The following VWA3B variants were observed in gnomAD, a reference collection of about 807,000 sequenced individuals.
VWA3B encodes the protein von Willebrand factor A domain containing 3B, also known as von Willebrand factor A domain-containing protein 3B.
VWA3B carries 138 observed loss-of-function variants against 158.3 expected under a neutral mutation model. The observed-to-expected ratio is 0.87, with a 90% CI of 0.76 to 1.00. The LOEUF is 1.00. VWA3B is among the 50% of genes least tolerant of loss of function. The pLI, the probability that VWA3B is intolerant of heterozygous loss-of-function variation, is 0.00. For synonymous variants in VWA3B, 596 were observed against 587.3 expected (o/e 1.01, Z -0.21); for missense variants, 1,555 against 1,565.1 (o/e 0.99, Z 0.11).
At chr2:98,233,352 C>T (rs1685462205) in intron 16 of VWA3B, among the ~76,000 whole-genome samples, 1 of 152,166 alleles carries the variant, frequency 6.6e-6, no homozygotes, top group African/African-American at 2.4e-5. Context: ...ATAAATGTTT[C>T]ATTCCGTATT....
chr2:98,267,755 G>A (rs572810421), intron 21 of VWA3B, among the ~76,000 whole-genome samples: 4 of 152,116 alleles, frequency 2.6e-5, no homozygotes, highest in African/African-American at 7.2e-5. Context: ...CCAGGAGCTG[G>A]TTTTTTGAAA....
chr2:98,285,111 C>G (rs1331182840), intron 22 of VWA3B, among the ~76,000 whole-genome samples: 1 of 152,110 alleles, frequency 6.6e-6, no homozygotes, highest in African/African-American at 2.4e-5. Context: ...ATAAAATTGA[C>G]AAGAGTTTTC....
intron 10 of VWA3B, among the ~76,000 whole-genome samples, chr2:98,190,871 T>A (rs1681516564): frequency 6.6e-6 from 1 of 152,110 alleles, no homozygotes. Flanking sequence ...GCTTCTTGGA[T>A]CTGTAGGTGC....
Position 98,228,336 on chromosome 2 carries a change from AG to A in VWA3B, c.2150+5del, listed in dbSNP as rs759013728. 3 of 1,610,352 alleles carry A rather than the reference AG, an allele frequency of 1.9e-6. No individual in the cohort carries two copies. Among genetic ancestry groups the A allele is most frequent in the Non-Finnish European group, 2.5e-6 (3 of 1,177,600 alleles). On this transcript the variant is annotated splice_donor_5th_base_variant and intron_variant, in intron 15 of 27. Coordinates refer to ENST00000477737, the MANE Select transcript of VWA3B (RefSeq NM_144992.5). ...CAGAAAAGGATGGAGACAGCAAGTG[AG>A]CACCTCTGCCCGCCTGTCTCCCTGC...
intron 9 of VWA3B, among the ~76,000 whole-genome samples, chr2:98,185,433 T>C (rs973920834): frequency 1.3e-5 from 2 of 152,258 alleles, no homozygotes; most frequent in Non-Finnish European, 2.9e-5. Flanking sequence ...TGGCAGAAAC[T>C]GGAGAAAAAC....
intron 1 of VWA3B, among the ~76,000 whole-genome samples, chr2:98,092,844 A>G (rs1022300932): frequency 7.3e-5 from 10 of 136,156 alleles, no homozygotes; most frequent in Middle Eastern, 7.2e-3. Context: ...ATATATATAT[A>G]TATATATATA....
chr2:98,257,454 T>C (rs1220709246), intron 21 of VWA3B, among the ~76,000 whole-genome samples: 2 of 152,070 alleles, frequency 1.3e-5, no homozygotes, highest in African/African-American at 4.8e-5. Context: ...TACATATTGA[T>C]TTACTATCTT....
chr2:98,302,706 G>A (rs1690271942), intron 25 of VWA3B, among the ~76,000 whole-genome samples: 3 of 152,292 alleles, frequency 2.0e-5, no homozygotes, highest in African/African-American at 7.2e-5. Context: ...GTGTTGAGTA[G>A]GCATTCGAAC....
At chr2:98,319,898 A>ACT in the VWA3B span, among the ~76,000 whole-genome samples, 1 of 149,512 alleles carries the variant, frequency 6.7e-6, no homozygotes, top group African/African-American at 2.4e-5. Context: ...ACACACACAC[A>ACT]CACACACACA....
intron 26 of VWA3B, among the ~76,000 whole-genome samples, chr2:98,306,089 A>G (rs1690509084): frequency 6.6e-6 from 1 of 152,120 alleles, no homozygotes; most frequent in Non-Finnish European, 1.5e-5. Flanking sequence ...TGCCTTCACC[A>G]GATTAAGTAT....
At chr2:98,162,810 C>T (rs1484267468) in intron 7 of VWA3B, 41 bp from the exon 8 acceptor site, 1 of 1,608,496 alleles carries the variant, frequency 6.2e-7, no homozygotes, top group South Asian at 1.1e-5. Context: ...CATTCCTGGG[C>T]CTGTCTCAGC....
intron 2 of VWA3B, 55 bp from the exon 3 acceptor site, chr2:98,115,597 A>G (rs1438524162): frequency 7.5e-6 from 10 of 1,331,696 alleles, no homozygotes; most frequent in Non-Finnish European, 8.6e-6. Flanking sequence ...AAATAAAAAT[A>G]GGAAGGTTCA....
chr2:98,221,049 T>C (rs1379280875), intron 14 of VWA3B, among the ~76,000 whole-genome samples: 1 of 151,986 alleles, frequency 6.6e-6, no homozygotes, highest in Non-Finnish European at 1.5e-5. Flanking sequence ...GACAGGTTGA[T>C]AGGTGCTGCA....
intron 21 of VWA3B, among the ~76,000 whole-genome samples, chr2:98,269,103 A>G (rs138990609): frequency 1.4e-4 from 22 of 152,098 alleles, no homozygotes; most frequent in African/African-American, 4.8e-4. Context: ...ATTTCCTCAT[A>G]TCTTTGTGTG....
the VWA3B span, among the ~76,000 whole-genome samples, chr2:98,328,116 G>A: frequency 6.6e-6 from 1 of 152,112 alleles, no homozygotes; most frequent in South Asian, 2.1e-4. Context: ...ATTCAACCCT[G>A]TCCAAGTGCC....
At chr2:98,255,552 C>T (rs1370339973) in intron 20 of VWA3B, among the ~76,000 whole-genome samples, 1 of 152,040 alleles carries the variant, frequency 6.6e-6, no homozygotes, top group African/African-American at 2.4e-5. Flanking sequence ...GCTCTTGGGT[C>T]AACAGCTTCC....
rs547571700 is a variant in VWA3B at position 98,276,656 on chromosome 2, G to A, written c.3045+5773G>A. The stretch of plus-strand genomic sequence containing the variant: ...GTGTCCAGAGGGCTGTGGCCATTGC[G>A]TTTGGAATGGGCTGCCCATGTGTGT... On this transcript the variant is annotated intron_variant, in intron 22 of 27. Coordinates refer to ENST00000477737, the MANE Select transcript of VWA3B (RefSeq NM_144992.5). Among the ~76,000 whole-genome samples, 321 of 140,738 alleles carry A rather than the reference G, an allele frequency of 2.3e-3. 5 individuals carry two copies. Among genetic ancestry groups the A allele is most frequent in the African/African-American group, 8.1e-3 (303 of 37,344 alleles). The allele number at this position is 140,738 out of a possible 152,430, so 92.3% of individuals were successfully genotyped here. A position where few individuals can be genotyped will look rare whatever the true frequency, so the allele number is the denominator to read the frequency against.
chr2:98,217,844 A>G lies in VWA3B; in HGVS notation c.1837-2A>G. 6.4e-7 allele frequency: 1 copy of G among 1,573,280 alleles called. No homozygotes were observed. The highest frequency in any genetic ancestry group is 8.6e-7 in the Non-Finnish European group (1 of 1,165,176). ...CCCCATCCCCAAAACTTATCGTTTC[A>G]GCCACCTGAAACAGTTATAGACCAG... On this transcript the variant is annotated splice_acceptor_variant, in intron 13 of 27. Transcript: ENST00000477737. LOFTEE classifies it high-confidence loss of function.
chr2:98,217,607 C>T (rs954558134), intron 13 of VWA3B, among the ~76,000 whole-genome samples: 1 of 152,104 alleles, frequency 6.6e-6, no homozygotes, highest in Non-Finnish European at 1.5e-5. Flanking sequence ...CTTCTTTGTC[C>T]CACCCAACTG....
Sources: allele counts gnomAD v4.1 joint callset (sites outside exome capture counted in the v4.1 genomes callset), GRCh38; gene constraint gnomAD v4.1.1; transcripts MANE v1.5; gene names NCBI Gene and HGNC (gene_info 2026-07-23, HGNC 2026-07-21).